PTPRD: variants seen among roughly 807,000 people sequenced by gnomAD.
PTPRD encodes the protein protein tyrosine phosphatase receptor type D.
PTPRD carries 34 observed loss-of-function variants against 214.5 expected under a neutral mutation model. The ratio of observed to expected loss-of-function variants is 0.16; its 90% CI spans 0.12 to 0.21. The LOEUF (loss-of-function observed/expected upper bound fraction) is 0.21, where lower values mean the gene tolerates loss of function less well. Among genes scored for constraint, PTPRD ranks in the 10% least tolerant of loss-of-function variants. PTPRD has a pLI of 1.00. For missense variants in PTPRD, 2,545 were observed against 2,398.7 expected, an observed-to-expected ratio of 1.06 and a Z score of -1.27; for synonymous variants, 1,128 against 845.7, an observed-to-expected ratio of 1.33 and a Z score of -5.79.
At chr9:10,025,471 C>A (rs930933754) in intron 4 of PTPRD, among the ~76,000 whole-genome samples, 4 of 151,660 alleles carry the variant, frequency 2.6e-5, no homozygotes, top group Non-Finnish European at 1.5e-5. Flanking sequence ...ATGTACATAA[C>A]CATAATACAA....
chr9:9,353,261 T>G (rs964313845), intron 9 of PTPRD, among the ~76,000 whole-genome samples: 2 of 151,912 alleles, frequency 1.3e-5, no homozygotes, highest in Non-Finnish European at 2.9e-5. Flanking sequence ...ACATTTTCAG[T>G]GCAGAAGTCA....
chr9:9,991,088 C>T (rs1309133485), intron 4 of PTPRD, among the ~76,000 whole-genome samples: 1 of 151,768 alleles, frequency 6.6e-6, no homozygotes, highest in Non-Finnish European at 1.5e-5. Flanking sequence ...GCACCCACCA[C>T]CACACTCGGC....
intron 10 of PTPRD, among the ~76,000 whole-genome samples, chr9:9,127,078 C>A (rs1270960960): frequency 6.6e-6 from 1 of 150,740 alleles, no homozygotes; most frequent in East Asian, 1.9e-4. Context: ...GGTTGCCATC[C>A]CATTGCAAAG....
chr9:8,980,464 T>C (rs1252797023), intron 11 of PTPRD, among the ~76,000 whole-genome samples: 1 of 152,146 alleles, frequency 6.6e-6, no homozygotes, highest in African/African-American at 2.4e-5. Flanking sequence ...TTACTATCTA[T>C]ATGTATCCAT....
chr9:9,379,895 G>C (rs1348169931), intron 9 of PTPRD, among the ~76,000 whole-genome samples: 1 of 151,858 alleles, frequency 6.6e-6, no homozygotes, highest in African/African-American at 2.4e-5. Flanking sequence ...ATGGAATCTT[G>C]TTTTAGTTGC....
intron 10 of PTPRD, among the ~76,000 whole-genome samples, chr9:9,021,994 G>A (rs983814944): frequency 1.3e-5 from 2 of 151,766 alleles, no homozygotes; most frequent in Non-Finnish European, 2.9e-5. Flanking sequence ...GCAAGGGGAG[G>A]GAGAACATTA....
intron 3 of PTPRD, among the ~76,000 whole-genome samples, chr9:10,269,109 A>G (rs1040967090): frequency 2.6e-5 from 4 of 152,154 alleles, no homozygotes; most frequent in Non-Finnish European, 5.9e-5. Flanking sequence ...TCCTCCATCC[A>G]AAAGATTTTC....
intron 5 of PTPRD, among the ~76,000 whole-genome samples, chr9:9,871,772 C>T (rs1053406806): frequency 2.0e-5 from 3 of 152,012 alleles, no homozygotes; most frequent in East Asian, 3.9e-4. Context: ...AGCTCATGGG[C>T]AGAGGGTAAG....
At chr9:9,105,886 G>A (rs1327135716) in intron 10 of PTPRD, among the ~76,000 whole-genome samples, 2 of 152,246 alleles carry the variant, frequency 1.3e-5, no homozygotes, top group Middle Eastern at 3.4e-3. Context: ...TCTTTACTTA[G>A]CTACGACTCC....
chr9:9,780,422 C>T (rs1366392382), intron 5 of PTPRD, among the ~76,000 whole-genome samples: 2 of 152,016 alleles, frequency 1.3e-5, no homozygotes, highest in African/African-American at 2.4e-5. Flanking sequence ...TAAAACAATA[C>T]CCAATTTTCA....
At chr9:10,061,521 A>G (rs2097777260) in intron 3 of PTPRD, among the ~76,000 whole-genome samples, 1 of 152,036 alleles carries the variant, frequency 6.6e-6, no homozygotes, top group Non-Finnish European at 1.5e-5. Flanking sequence ...TTTGAAGACT[A>G]AGTTCACACA....
intron 12 of PTPRD, among the ~76,000 whole-genome samples, chr9:8,694,565 T>A (rs1253476089): frequency 6.6e-6 from 1 of 152,036 alleles, no homozygotes; most frequent in Non-Finnish European, 1.5e-5. Context: ...AAGATAAAAA[T>A]GACAAACAAC....
rs1297013431 is a variant in PTPRD, at chr9:9,050,752, T to G, written c.-142-32017A>C. On this transcript the variant is annotated intron_variant, in intron 10 of 45. Transcript: ENST00000381196. The stretch of plus-strand genomic sequence containing the variant: ...CTGTTGCACTATTATAACGCTTGTG[T>G]TCAAGCACTCATTTTATCTTTATTA... 2.0e-5 allele frequency among the ~76,000 whole-genome samples: 3 copies of G among 152,160 alleles called. No homozygotes were observed. In the South Asian group the frequency reaches 6.2e-4, roughly 32 times the overall value.
At chr9:9,337,348 G>A (rs966269386) in intron 9 of PTPRD, among the ~76,000 whole-genome samples, 1 of 152,134 alleles carries the variant, frequency 6.6e-6, no homozygotes, top group Admixed American at 6.6e-5. Context: ...CAGGTAGGGG[G>A]TGCTCTGTTG....
At chr9:9,237,194 A>C (rs2099967374) in intron 9 of PTPRD, among the ~76,000 whole-genome samples, 1 of 152,180 alleles carries the variant, frequency 6.6e-6, no homozygotes, top group South Asian at 2.1e-4. Flanking sequence ...GGAGCAAACA[A>C]ATGATAATAC....
At chr9:9,512,206 T>A (rs2096725883) in intron 8 of PTPRD, among the ~76,000 whole-genome samples, 1 of 151,794 alleles carries the variant, frequency 6.6e-6, no homozygotes, top group South Asian at 2.1e-4. Flanking sequence ...ATTACATGAT[T>A]AGCGATTGAA....
intron 2 of PTPRD, among the ~76,000 whole-genome samples, chr9:10,458,099 C>CT (rs1343220339): frequency 6.6e-6 from 1 of 151,954 alleles, no homozygotes. Context: ...GACCCAATGG[C>CT]TTTATAGCTG....
At chr9:9,029,637 A>C (rs1438763416) in intron 10 of PTPRD, among the ~76,000 whole-genome samples, 1 of 151,942 alleles carries the variant, frequency 6.6e-6, no homozygotes, top group Non-Finnish European at 1.5e-5. Flanking sequence ...CTGAGGAGGC[A>C]AGGAGAATGA....
chr9:9,277,631 T>C (rs958011167), intron 9 of PTPRD, among the ~76,000 whole-genome samples: 1 of 151,264 alleles, frequency 6.6e-6, no homozygotes, highest in Non-Finnish European at 1.5e-5. Context: ...ACTATACCTA[T>C]AATAAACTAT....
Sources: gnomAD v4.1 joint callset for allele counts (sites outside exome capture counted in the v4.1 genomes callset) on GRCh38, gnomAD v4.1.1 for gene constraint, MANE v1.5 for transcripts, NCBI Gene and HGNC (gene_info 2026-07-23, HGNC 2026-07-21) for gene names.